The following PHACTR1 variants were observed in gnomAD, a reference collection of about 807,000 sequenced individuals.
PHACTR1 encodes RPEL repeat containing 1.
Under a neutral mutation model 69.2 loss-of-function variants are expected in PHACTR1, and 16 were observed. That is an observed-to-expected ratio of 0.23 (90% CI 0.16 to 0.35). The LOEUF (loss-of-function observed/expected upper bound fraction) is 0.35, where lower values mean the gene tolerates loss of function less well. Among genes scored for constraint, PHACTR1 ranks in the 10% least tolerant of loss-of-function variants. The pLI, the probability that PHACTR1 is intolerant of heterozygous loss-of-function variation, is 1.00. For missense variants in PHACTR1, 510 were observed against 734.7 expected (o/e 0.69, Z 3.54); for synonymous variants, 312 against 284.5 (o/e 1.10, Z -0.97).
chr6:12,993,094 GTGTAA>G (rs1489610839), intron 4 of PHACTR1, among the ~76,000 whole-genome samples: 1 of 152,202 alleles, frequency 6.6e-6, no homozygotes, highest in Non-Finnish European at 1.5e-5. Context: ...GCATTCACCT[GTGTAA>G]GCTTCTAGCT....
chr6:13,284,689 C>T (rs181877697), intron 13 of PHACTR1, among the ~76,000 whole-genome samples: 4 of 150,762 alleles, frequency 2.7e-5, no homozygotes, highest in Admixed American at 6.6e-5. Context: ...CTTCACTGTC[C>T]GTTTCAGGGA....
At chr6:13,090,418 CA>C (rs1321448723) in intron 5 of PHACTR1, among the ~76,000 whole-genome samples, 2 of 146,748 alleles carry the variant, frequency 1.4e-5, no homozygotes, top group Non-Finnish European at 3.0e-5. Context: ...CTCTGCCTCC[CA>C]GGTTCACGCC....
intron 4 of PHACTR1, among the ~76,000 whole-genome samples, chr6:13,036,901 AT>A (rs1803394794): frequency 6.6e-6 from 1 of 152,146 alleles, no homozygotes; most frequent in Non-Finnish European, 1.5e-5. Context: ...ACATTCATTC[AT>A]TTATCCATTC....
chr6:13,206,909 G>A (rs1403941779), intron 8 of PHACTR1, among the ~76,000 whole-genome samples: 1 of 151,964 alleles, frequency 6.6e-6, no homozygotes, highest in African/African-American at 2.4e-5. Context: ...CCACACAGAC[G>A]ATGGCCCCAG....
At chr6:13,259,372 T>G (rs767553165) in intron 10 of PHACTR1, among the ~76,000 whole-genome samples, 73 of 152,174 alleles carry the variant, frequency 4.8e-4, no homozygotes, top group Non-Finnish European at 2.2e-4. Flanking sequence ...CAAAAGTGAT[T>G]TCCACTCAAC....
intron 8 of PHACTR1, among the ~76,000 whole-genome samples, chr6:13,208,986 C>T (rs1235085543): frequency 6.6e-6 from 1 of 152,074 alleles, no homozygotes; most frequent in African/African-American, 2.4e-5. Context: ...CCCTCACTTC[C>T]CACTCGAGGT....
At chr6:12,906,097 T>C (rs1785699202) in intron 4 of PHACTR1, among the ~76,000 whole-genome samples, 1 of 152,256 alleles carries the variant, frequency 6.6e-6, no homozygotes, top group African/African-American at 2.4e-5. Context: ...GTCAGATTCA[T>C]GGAAATGTCA....
At chr6:13,051,468 A>T (rs1227604590) in intron 4 of PHACTR1, among the ~76,000 whole-genome samples, 1 of 151,830 alleles carries the variant, frequency 6.6e-6, no homozygotes, top group Admixed American at 6.6e-5. Flanking sequence ...AGACCCTCCA[A>T]CCCCTGTCTC....
chr6:13,135,347 C>T (rs935808247), intron 5 of PHACTR1, among the ~76,000 whole-genome samples: 3 of 152,176 alleles, frequency 2.0e-5, no homozygotes, highest in African/African-American at 4.8e-5. Context: ...ATTCTGGGAG[C>T]CCTGTGCGTC....
intron 5 of PHACTR1, among the ~76,000 whole-genome samples, chr6:13,113,379 C>T (rs1817339522): frequency 6.6e-6 from 1 of 152,122 alleles, no homozygotes; most frequent in African/African-American, 2.4e-5. Flanking sequence ...TTTTACCAGA[C>T]TTCCAAGAAA....
In PHACTR1 at chr6:13,283,346, G is replaced by GC; in HGVS notation, c.1510-75dup. 1.3e-6 allele frequency: 2 copies of GC among 1,537,664 alleles called. No individual in the cohort carries two copies. The highest frequency in any genetic ancestry group is 1.8e-6 in the Non-Finnish European group (2 of 1,134,900). ...TCACTGAACCTTATTTTCCACACCT[G>GC]CAAGTTCACAGACAGGACCAAGTGC... On this transcript the variant is annotated intron_variant, in intron 12 of 14. Transcript: ENST00000332995. The surrounding 1 kb of genome is among the most constrained non-coding windows in gnomAD (Gnocchi z 4.7).
chr6:12,821,703 C>T (rs1405511839), intron 4 of PHACTR1, among the ~76,000 whole-genome samples: 2 of 152,026 alleles, frequency 1.3e-5, no homozygotes, highest in African/African-American at 2.4e-5. Flanking sequence ...ATATGTTATC[C>T]GTTGACTGCC....
chr6:12,782,214 G>A (rs1275198373), intron 4 of PHACTR1, among the ~76,000 whole-genome samples: 1 of 152,172 alleles, frequency 6.6e-6, no homozygotes, highest in Non-Finnish European at 1.5e-5. Context: ...CAACCCAAGG[G>A]TTGGCAGTCA....
At chr6:13,110,342 G>A (rs1816837124) in intron 5 of PHACTR1, among the ~76,000 whole-genome samples, 1 of 152,162 alleles carries the variant, frequency 6.6e-6, no homozygotes. Flanking sequence ...TTTCCTCTAT[G>A]CGTAGTTTAA....
chr6:13,185,615 T>C (rs969170029), intron 7 of PHACTR1, among the ~76,000 whole-genome samples: 2 of 152,232 alleles, frequency 1.3e-5, no homozygotes, highest in Admixed American at 1.3e-4. Flanking sequence ...AGGCATTAAA[T>C]TGAGCACTCA....
At chr6:13,138,937 C>G (rs1821975502) in intron 5 of PHACTR1, among the ~76,000 whole-genome samples, 1 of 152,156 alleles carries the variant, frequency 6.6e-6, no homozygotes, top group South Asian at 2.1e-4. Context: ...AGAGTTAGGA[C>G]TTAGGGTTTC....
intron 5 of PHACTR1, among the ~76,000 whole-genome samples, chr6:13,148,746 G>T (rs1382682591): frequency 6.6e-6 from 1 of 152,298 alleles, no homozygotes; most frequent in East Asian, 1.9e-4. Context: ...ATTTTCAGAA[G>T]ACAAGCCTAA....
intron 5 of PHACTR1, among the ~76,000 whole-genome samples, chr6:13,155,573 T>G (rs186326728): frequency 5.3e-5 from 8 of 152,196 alleles, no homozygotes; most frequent in Admixed American, 2.0e-4. Context: ...CATGCATACC[T>G]TGTTAAGAGA....
Position 12,921,438 on chromosome 6 carries a change from T to A in PHACTR1, c.251-131927T>A, listed in dbSNP as rs922005821. Among the ~76,000 whole-genome samples the A allele has an allele frequency of 2.2e-5, 3 of 139,040 alleles. No individual in the cohort carries two copies. The East Asian group carries it at 6.5e-4, about 30-fold the overall frequency. The allele number at this position is 139,040 out of a possible 152,430, so 91.2% of individuals were successfully genotyped here. ...GCTAGTGCACTGTGAAACACTGACATCCTACCCATGCTGGAGGGAAGGATG... is the reference window on the plus strand; with the variant it reads ...GCTAGTGCACTGTGAAACACTGACAACCTACCCATGCTGGAGGGAAGGATG... On this transcript the variant is annotated intron_variant, in intron 4 of 14. Coordinates refer to ENST00000332995, the MANE Select transcript of PHACTR1 (RefSeq NM_030948.6).
Sources: gnomAD v4.1 joint callset for allele counts (sites outside exome capture counted in the v4.1 genomes callset) on GRCh38, gnomAD v4.1.1 for gene constraint, Gnocchi (gnomAD v3.1) non-coding constraint, MANE v1.5 for transcripts, NCBI Gene and HGNC (gene_info 2026-07-23, HGNC 2026-07-21) for gene names.